Variants in ABL1 observed in about 807,000 individuals in gnomAD.
ABL1 encodes the protein tyrosine-protein kinase ABL1.
ABL1 carries 11 observed loss-of-function variants against 94.7 expected under a neutral mutation model. The observed-to-expected ratio is 0.12, with a 90% confidence interval of 0.07 to 0.19. The LOEUF is 0.19. Among genes scored for constraint, ABL1 ranks in the 10% least tolerant of loss-of-function variants. The pLI is 1.00. For missense variants in ABL1, 1,082 were observed against 1,489.4 expected (o/e 0.73, Z 4.50); for synonymous variants, 656 against 622.4 (o/e 1.05, Z -0.80).
At chr9:130,836,149 C>G (rs1830579722) in intron 1 of ABL1, among the ~76,000 whole-genome samples, 1 of 152,212 alleles carries the variant, frequency 6.6e-6, no homozygotes, top group Non-Finnish European at 1.5e-5. Context: ...TAGGAATTCG[C>G]TCTCTTTTCA....
At position 130,874,969 on chromosome 9, in the gene ABL1, A is replaced by G. The variant is rs121913454; in HGVS notation, c.1187A>G (p.His396Arg). 6.2e-7 allele frequency: 1 copy of G among 1,614,178 alleles called. No homozygotes were observed. Among genetic ancestry groups the G allele is most frequent in the South Asian group, 1.1e-5 (1 of 91,086 alleles). ...ATGACAGGGGACACCTACACAGCCC[A>G]TGCTGGAGCCAAGTTCCCCATCAAA... ...RLMTGDTYTA[H>R]AGAKFPIKWT... is the part of the protein sequence containing the mutation. Residue 396 changes from histidine (H) to arginine (R), a missense_variant, in exon 7 of 11, where the codon CAT (histidine) becomes CGT (arginine). Physicochemically the swap from His to Arg is conservative, Grantham distance 29. Coordinates refer to ENST00000318560, the MANE Select transcript of ABL1 (RefSeq NM_005157.6).
chr9:130,839,412 A>C (rs990167998), intron 1 of ABL1, among the ~76,000 whole-genome samples: 2 of 152,218 alleles, frequency 1.3e-5, no homozygotes, highest in African/African-American at 4.8e-5. Context: ...GTTCAGTAAC[A>C]AAGAAAGTGA....
At chr9:130,828,706 C>T (rs551423206) in intron 1 of ABL1, among the ~76,000 whole-genome samples, 110 of 151,172 alleles carry the variant, frequency 7.3e-4, no homozygotes, top group African/African-American at 2.4e-3. Flanking sequence ...AGTGAAACTG[C>T]GTCTCAAAAA....
chr9:130,720,351 C>T (rs962977375), intron 1 of ABL1, among the ~76,000 whole-genome samples: 1 of 152,062 alleles, frequency 6.6e-6, no homozygotes, highest in African/African-American at 2.4e-5. Context: ...GAGAGGGCGG[C>T]ATTTGATTAA....
At chr9:130,859,986 G>A (rs1831045456) in intron 3 of ABL1, among the ~76,000 whole-genome samples, 1 of 152,070 alleles carries the variant, frequency 6.6e-6, no homozygotes, top group African/African-American at 2.4e-5. Context: ...GCAAAATGCT[G>A]TTTCTAAGCG....
At chr9:130,876,504 G>A (rs896615197) in intron 7 of ABL1, among the ~76,000 whole-genome samples, 33 of 148,370 alleles carry the variant, frequency 2.2e-4, no homozygotes, top group Non-Finnish European at 3.3e-4. Flanking sequence ...TGCAACCTCC[G>A]CCTACCAGAT....
intron 4 of ABL1, among the ~76,000 whole-genome samples, chr9:130,867,042 A>G (rs1388199565): frequency 1.3e-5 from 2 of 152,204 alleles, no homozygotes; most frequent in Non-Finnish European, 1.5e-5. Flanking sequence ...TTTTCTATGA[A>G]TCAGTTCTCT....
chr9:130,741,553 C>A (rs1181923824), intron 1 of ABL1, among the ~76,000 whole-genome samples: 1 of 151,796 alleles, frequency 6.6e-6, no homozygotes, highest in Non-Finnish European at 1.5e-5. Flanking sequence ...GTAACAGTTA[C>A]CGCACTGATG....
intron 1 of ABL1, among the ~76,000 whole-genome samples, chr9:130,749,678 T>C (rs1374161021): frequency 1.3e-5 from 2 of 152,218 alleles, no homozygotes; most frequent in Non-Finnish European, 2.9e-5. Context: ...AGGCTGGTGA[T>C]AGACTCTTTC....
chr9:130,880,226 C>A lies in ABL1; in HGVS notation c.1513+69C>A, dbSNP rs931266561. ...AGCCATGTGGGACTGCAGCCTGGGT[C>A]ATTCGGTTCACTTCCTGGTGAAAGT... is the stretch of plus-strand genomic sequence containing the variant. On this transcript the variant is annotated intron_variant, in intron 9 of 10. Coordinates refer to ENST00000318560, the MANE Select transcript of ABL1 (RefSeq NM_005157.6). The surrounding 1 kb of genome is among the most constrained non-coding windows in gnomAD (Gnocchi z 4.4). 1 of 1,490,676 alleles carries A rather than the reference C, an allele frequency of 6.7e-7. No homozygotes were observed. The highest frequency in any genetic ancestry group is 9.4e-7 in the Non-Finnish European group (1 of 1,068,516). 92.3% of individuals were successfully genotyped at this position (1,490,676 alleles called of 1,614,324 possible).
intron 1 of ABL1, among the ~76,000 whole-genome samples, chr9:130,762,867 C>T (rs1282633912): frequency 6.7e-6 from 1 of 149,178 alleles, no homozygotes; most frequent in Non-Finnish European, 1.5e-5. Context: ...GCCAAGATGG[C>T]GCCACTGCAC....
At chr9:130,849,744 C>T (rs954185663) in intron 1 of ABL1, among the ~76,000 whole-genome samples, 3 of 152,220 alleles carry the variant, frequency 2.0e-5, no homozygotes, top group African/African-American at 7.2e-5. Context: ...TCTCAAACTC[C>T]TGACCTCAAG....
chr9:130,827,433 GTCATCTTTTAGTTGCTCAT>G (rs1261427262), intron 1 of ABL1, among the ~76,000 whole-genome samples: 2 of 152,282 alleles, frequency 1.3e-5, no homozygotes, highest in East Asian at 3.9e-4. Flanking sequence ...AAAACTAACA[GTCATCTTTTAGTTGCTCAT>G]TCATAGAGAG....
rs1831548076 is a variant in ABL1 at position 130,885,108 on chromosome 9, G to T, written c.2818G>T (p.Ala940Ser). The T allele has an allele frequency of 1.2e-6, 2 of 1,612,072 alleles. No homozygotes were observed. Among genetic ancestry groups the T allele is most frequent in the Non-Finnish European group, 1.7e-6 (2 of 1,179,404 alleles). Residue 940 changes from alanine (A) to serine (S), a missense_variant, in exon 11 of 11, where the codon GCT becomes TCT. Physicochemically the swap from Ala to Ser is moderately conservative, Grantham distance 99. Around this residue, in one of 7 missense-constraint regions of ABL1, gnomAD observed 780 missense variants for 835.8 expected, o/e 0.93. Coordinates refer to ENST00000318560, the MANE Select transcript of ABL1 (RefSeq NM_005157.6). ...GACAAAAGCCACGAGTCTGGTTGAT[G>T]CTGTGAACAGTGACGCTGCCAAGCC... ...AKTKATSLVD[A>S]VNSDAAKPSQ...
In ABL1 at chr9:130,885,481, A is replaced by G. The variant is rs1287426846; in HGVS notation, c.3191A>G (p.Tyr1064Cys). Reference sequence around the variant, plus strand: ...GTGCTGGAGGCCGGCAAAAACCTCTACACGTTCTGCGTGAGCTATGTGGAT... The same window carrying G: ...GTGCTGGAGGCCGGCAAAAACCTCTGCACGTTCTGCGTGAGCTATGTGGAT... ...SAVLEAGKNL[Y>C]TFCVSYVDSI... Residue 1064 changes from tyrosine to cysteine, a missense_variant, in exon 11 of 11, where the codon TAC (tyrosine) becomes TGC (cysteine). Tyr to Cys is a radical substitution (Grantham distance 194, BLOSUM62 -2). Coordinates refer to ENST00000318560, the MANE Select transcript of ABL1 (RefSeq NM_005157.6). 6.2e-7 allele frequency: 1 copy of G among 1,614,038 alleles called. No individual in the cohort carries two copies. Among genetic ancestry groups the G allele is most frequent in the Non-Finnish European group, 8.5e-7 (1 of 1,180,032 alleles).
chr9:130,750,607 G>T (rs1272518751), intron 1 of ABL1, among the ~76,000 whole-genome samples: 1 of 146,624 alleles, frequency 6.8e-6, no homozygotes, highest in Admixed American at 6.9e-5. Flanking sequence ...ATGAGCACCT[G>T]ACCTAACATG....
chr9:130,797,070 T>A (rs1829984586), intron 1 of ABL1, among the ~76,000 whole-genome samples: 1 of 150,574 alleles, frequency 6.6e-6, no homozygotes, highest in South Asian at 2.1e-4. Flanking sequence ...ACCTTGTCTC[T>A]ACTAAAACTA....
chr9:130,754,537 A>G (rs888207984), intron 1 of ABL1, among the ~76,000 whole-genome samples: 2 of 150,322 alleles, frequency 1.3e-5, no homozygotes, highest in East Asian at 2.0e-4. Flanking sequence ...AAAATTTACT[A>G]TCATGTAAAG....
intron 1 of ABL1, among the ~76,000 whole-genome samples, chr9:130,773,169 A>C (rs1357027238): frequency 6.6e-6 from 1 of 151,998 alleles, no homozygotes; most frequent in African/African-American, 2.4e-5. Flanking sequence ...GAAAATACAA[A>C]ATTAGCCGGG....
Sources: gnomAD v4.1 joint callset for allele counts (sites outside exome capture counted in the v4.1 genomes callset) on GRCh38, gnomAD v4.1.1 for gene constraint, gnomAD v4.1.1 regional missense constraint, Gnocchi (gnomAD v3.1) non-coding constraint, MANE v1.5 for transcripts, NCBI Gene and HGNC (gene_info 2026-07-23, HGNC 2026-07-21) for gene names.